The following SLC38A9 variants were observed in gnomAD, a reference collection of about 807,000 sequenced individuals.
SLC38A9 encodes solute carrier family 38 member 9, also known as neutral amino acid transporter 9.
Under a neutral mutation model 62.3 loss-of-function variants are expected in SLC38A9, and 48 were observed. The observed-to-expected ratio is 0.77, with a 90% CI of 0.61 to 0.98. The LOEUF is 0.98. SLC38A9 is among the 50% of genes least tolerant of loss of function. The probability of loss-of-function intolerance (pLI) is 0.00; values close to 1 mark genes in which losing one functional copy is unlikely to be tolerated. For synonymous variants in SLC38A9, 204 were observed against 227.7 expected, an observed-to-expected ratio of 0.90 and a Z score of 0.94; for missense variants, 541 against 679.8, an observed-to-expected ratio of 0.80 and a Z score of 2.27.
chr5:55,684,591 A>C (rs538720258), intron 3 of SLC38A9, among the ~76,000 whole-genome samples: 1 of 152,196 alleles, frequency 6.6e-6, no homozygotes, highest in South Asian at 2.1e-4. Context: ...CTGGATTCCA[A>C]ATTTTCTTCC....
intron 3 of SLC38A9, among the ~76,000 whole-genome samples, chr5:55,680,547 C>T (rs1203840056): frequency 3.9e-5 from 6 of 152,194 alleles, no homozygotes; most frequent in African/African-American, 1.2e-4. Flanking sequence ...CAACAAGGCC[C>T]GTGTCAGATC....
chr5:55,649,155 A>T, intron 11 of SLC38A9, 52 bp downstream of exon 11: 1 of 991,274 alleles, frequency 1.0e-6, no homozygotes, highest in Non-Finnish European at 1.5e-6. Flanking sequence ...ATAGCATATG[A>T]CAATGGTTAA....
chr5:55,663,062 T>C (rs1289115639), intron 8 of SLC38A9, among the ~76,000 whole-genome samples: 7 of 152,052 alleles, frequency 4.6e-5, no homozygotes, highest in Admixed American at 1.3e-4. Context: ...ACCCAGCTAA[T>C]TTTTGTATTT....
intron 3 of SLC38A9, chr5:55,692,838 G>A (rs1754932074): frequency 1.0e-6 from 1 of 982,498 alleles, no homozygotes; most frequent in Admixed American, 6.2e-5. Flanking sequence ...GCATTCATTA[G>A]TGCTTATATT....
intron 2 of SLC38A9, among the ~76,000 whole-genome samples, chr5:55,699,726 A>G (rs1033905048): frequency 3.2e-4 from 8 of 25,128 alleles, no homozygotes; most frequent in Non-Finnish European, 7.9e-4. Flanking sequence ...ATTTTTAGGA[A>G]AAAAAAAATT....
rs1450394507 is a variant in SLC38A9, at chr5:55,635,433, G to T, written c.1281+111C>A. 4 of 769,060 alleles carry T rather than the reference G, an allele frequency of 5.2e-6. No individual in the cohort carries two copies. In the South Asian group the frequency reaches 5.8e-5, roughly 11 times the overall value. The allele number at this position is 769,060 out of a possible 1,614,324, so 47.6% of individuals were successfully genotyped here. A position where few individuals can be genotyped will look rare whatever the true frequency, so the allele number is the denominator to read the frequency against. ...ATACTTGGAGTAGATAGCAGAGATGGTATTAAAACCCAGGCCTATCTGATG... is the reference window on the plus strand; with the variant it reads ...ATACTTGGAGTAGATAGCAGAGATGTTATTAAAACCCAGGCCTATCTGATG... On this transcript the variant is annotated intron_variant, in intron 13 of 15. Coordinates refer to ENST00000396865, the MANE Select transcript of SLC38A9 (RefSeq NM_173514.4).
At chr5:55,635,436 T>TAGGAC (rs1744202916) in intron 13 of SLC38A9, 108 bp downstream of exon 13, 1 of 804,710 alleles carries the variant, frequency 1.2e-6, no homozygotes, top group African/African-American at 1.7e-5. Flanking sequence ...AGAGATGGTA[T>TAGGAC]TAAAACCCAG....
chr5:55,694,887 G>A (rs1755264441), intron 3 of SLC38A9, among the ~76,000 whole-genome samples: 1 of 151,986 alleles, frequency 6.6e-6, no homozygotes, highest in South Asian at 2.1e-4. Context: ...CAAATAGCTG[G>A]GATTACAGGT....
chr5:55,641,262 A>G (rs1339179446), intron 12 of SLC38A9, among the ~76,000 whole-genome samples: 2 of 152,238 alleles, frequency 1.3e-5, no homozygotes, highest in Non-Finnish European at 2.9e-5. Flanking sequence ...TGTATAACTT[A>G]ACAATATGGA....
At chr5:55,697,772 G>GT (rs750323068) in intron 3 of SLC38A9, 74 bp downstream of exon 3, 65 of 703,566 alleles carry the variant, frequency 9.2e-5, no homozygotes, top group Non-Finnish European at 1.3e-4. Context: ...ATCTATACAT[G>GT]TTTGGTTATA....
In SLC38A9 at chr5:55,628,455, G is replaced by C. The variant is rs139510622; in HGVS notation, c.1431-475C>G. 2.4e-3 allele frequency among the ~76,000 whole-genome samples: 363 copies of C among 152,150 alleles called. 1 individual carries two copies. The highest frequency in any genetic ancestry group is 8.4e-3 in the African/African-American group (348 of 41,532). Reference sequence around the variant, plus strand: ...GGCAATTCAGAAAAAAAGCCAGCTAGGTTTTCACTACACAAGAAAACCCCA... The same window carrying C: ...GGCAATTCAGAAAAAAAGCCAGCTACGTTTTCACTACACAAGAAAACCCCA... On this transcript the variant is annotated intron_variant, in intron 14 of 15. Coordinates refer to ENST00000396865, the MANE Select transcript of SLC38A9 (RefSeq NM_173514.4).
chr5:55,661,679 C>T (rs1465183670), intron 8 of SLC38A9, among the ~76,000 whole-genome samples: 1 of 151,848 alleles, frequency 6.6e-6, no homozygotes, highest in Non-Finnish European at 1.5e-5. Flanking sequence ...AGTTGTGAAT[C>T]ATAATGGAGA....
chr5:55,661,542 T>C (rs1258433084), intron 8 of SLC38A9, among the ~76,000 whole-genome samples: 1 of 150,648 alleles, frequency 6.6e-6, no homozygotes, highest in Non-Finnish European at 1.5e-5. Flanking sequence ...AATCAAATTC[T>C]AACCCAATAC....
At chr5:55,627,355 T>C (rs2150000936) in intron 15 of SLC38A9, among the ~76,000 whole-genome samples, 1 of 152,222 alleles carries the variant, frequency 6.6e-6, no homozygotes, top group African/African-American at 2.4e-5. Flanking sequence ...CCCATGAGAA[T>C]TTGAGGTACA....
In SLC38A9 at chr5:55,681,579, T is replaced by G. The variant is rs537256505; in HGVS notation, c.114-8884A>C. ...GTTTAGGAGAGGCTGGAGACTGTTT[T>G]GCTGTTTTGTTGTCCAAAGAGCCAT... On this transcript the variant is annotated intron_variant, in intron 3 of 15. Coordinates refer to ENST00000396865, the MANE Select transcript of SLC38A9 (RefSeq NM_173514.4). Among the ~76,000 whole-genome samples, 13 of 152,348 alleles carry G rather than the reference T, an allele frequency of 8.5e-5. No individual in the cohort carries two copies. In the East Asian group the frequency reaches 2.5e-3, roughly 29 times the overall value.
intron 9 of SLC38A9, among the ~76,000 whole-genome samples, chr5:55,655,878 C>A (rs551349346): frequency 8.3e-4 from 126 of 152,234 alleles, no homozygotes; most frequent in African/African-American, 2.9e-3. Flanking sequence ...TGTTTATATT[C>A]ACTTTCCCTG....
chr5:55,693,139 CT>C, intron 3 of SLC38A9: 22 of 327,610 alleles, frequency 6.7e-5, no homozygotes, highest in Non-Finnish European at 9.6e-5. Flanking sequence ...TGTTGGGTGT[CT>C]ACCTAACAGT....
In SLC38A9 at chr5:55,633,001, C is replaced by T. The variant is rs75204678; in HGVS notation, c.1430+753G>A. On this transcript the variant is annotated intron_variant, in intron 14 of 15. Coordinates refer to ENST00000396865, the MANE Select transcript of SLC38A9 (RefSeq NM_173514.4). ...ACCACATTCAAATACATTTATATGC[C>T]TTTTCTCCTTTTTTTTTTTCTTTTG... Among the ~76,000 whole-genome samples the T allele has an allele frequency of 4.1e-3, 617 of 151,476 alleles. 2 individuals are homozygous for T. Among genetic ancestry groups the T allele is most frequent in the African/African-American group, 0.014 (591 of 41,012 alleles).
intron 8 of SLC38A9, among the ~76,000 whole-genome samples, chr5:55,659,960 G>A (rs902635968): frequency 2.0e-5 from 3 of 150,590 alleles, no homozygotes; most frequent in African/African-American, 7.3e-5. Context: ...TAGAGACAGG[G>A]TTTCACCGTG....
Sources: allele counts gnomAD v4.1 joint callset (sites outside exome capture counted in the v4.1 genomes callset), GRCh38; gene constraint gnomAD v4.1.1; transcripts MANE v1.5; gene names NCBI Gene and HGNC (gene_info 2026-07-23, HGNC 2026-07-21).